Variants in ZNF560 observed in about 807,000 individuals in gnomAD.
The protein encoded by ZNF560 is zinc finger protein 560.
In ZNF560, 54 loss-of-function variants were observed where a neutral mutation model predicts 81.8. The observed-to-expected ratio is 0.66, with a 90% CI of 0.53 to 0.83. The LOEUF (loss-of-function observed/expected upper bound fraction) is 0.83. Ranked by LOEUF, ZNF560 falls within the 40% of genes least tolerant of loss-of-function variation. The probability of loss-of-function intolerance (pLI) is 0.00; values close to 1 mark genes in which losing one functional copy is unlikely to be tolerated. For missense variants in ZNF560, 940 were observed against 932.4 expected (o/e 1.01, Z -0.11); for synonymous variants, 321 against 317.9 (o/e 1.01, Z -0.10).
Position 9,475,325 on chromosome 19 carries a change from CCT to C in ZNF560, c.-14_-13del, listed in dbSNP as rs764093833. 3 of 1,613,426 alleles carry C rather than the reference CCT, an allele frequency of 1.9e-6. No homozygotes were observed. Among genetic ancestry groups the C allele is most frequent in the African/African-American group, 1.3e-5 (1 of 74,872 alleles). ...AGGCAGTAAGCCATCTTCCTTTCTG[CCT>C]CTGTCTTTTCTTCATGAAGGCAGAT... On this transcript the variant is annotated 5_prime_UTR_variant, in exon 3 of 10. Transcript: ENST00000301480.
At position 9,467,330 on chromosome 19, in the gene ZNF560, T is replaced by A; in HGVS notation, c.1617A>T (p.Thr539=). 1 of 1,614,192 alleles carries A rather than the reference T, an allele frequency of 6.2e-7. No individual in the cohort carries two copies. Among genetic ancestry groups the A allele is most frequent in the Admixed American group, 1.7e-5 (1 of 60,022 alleles). ...ACLRIHMRTH[T]EERLYQCKKC... ...TCTTACATTGATAGAGTCTCTCTTC[T>A]GTGTGAGTTCGCATGTGAATACGAA... Residue 539 remains threonine, a synonymous_variant, in exon 10 of 10, where the codon ACA becomes ACT. Transcript: ENST00000301480.
intron 2 of ZNF560, among the ~76,000 whole-genome samples, chr19:9,484,906 A>G (rs2073361410): frequency 6.6e-6 from 1 of 152,088 alleles, no homozygotes; most frequent in South Asian, 2.1e-4. Context: ...GAGAGAGGAA[A>G]CATTAGAACT....
chr19:9,460,953 T>A, the ZNF560 span, among the ~76,000 whole-genome samples: 1 of 152,180 alleles, frequency 6.6e-6, no homozygotes, highest in Non-Finnish European at 1.5e-5. Context: ...TCAGCTGGTC[T>A]GAATAAAACG....
At chr19:9,488,975 C>A (rs2073427645) in intron 2 of ZNF560, among the ~76,000 whole-genome samples, 1 of 152,182 alleles carries the variant, frequency 6.6e-6, no homozygotes, top group Non-Finnish European at 1.5e-5. Context: ...ATAAGATGTA[C>A]CTACTCCTGC....
intron 2 of ZNF560, among the ~76,000 whole-genome samples, chr19:9,485,331 C>G (rs183457352): frequency 4.3e-4 from 66 of 152,042 alleles, no homozygotes; most frequent in Non-Finnish European, 8.1e-4. Context: ...TCATAATGAT[C>G]AAGTAGGATT....
the ZNF560 span, among the ~76,000 whole-genome samples, chr19:9,446,365 TACAC>T: frequency 1.6e-3 from 237 of 145,246 alleles, 1 homozygote; most frequent in South Asian, 0.013. Flanking sequence ...TGCCAAGTCA[TACAC>T]ACACACACAC....
intron 7 of ZNF560, 94 bp from the exon 8 acceptor site, chr19:9,469,804 G>A: frequency 9.7e-7 from 1 of 1,031,258 alleles, no homozygotes; most frequent in South Asian, 1.3e-5. Context: ...AATTAAAGCA[G>A]TGAAAAGCAC....
At chr19:9,449,823 G>C in the ZNF560 span, among the ~76,000 whole-genome samples, 3 of 152,092 alleles carry the variant, frequency 2.0e-5, no homozygotes, top group Admixed American at 2.0e-4. Flanking sequence ...CCAAAAATTA[G>C]CCAGGTGTGC....
chr19:9,490,477 T>C (rs1221915105), intron 2 of ZNF560, among the ~76,000 whole-genome samples: 1 of 152,172 alleles, frequency 6.6e-6, no homozygotes, highest in Admixed American at 6.5e-5. Flanking sequence ...TCACATTTCG[T>C]CACTAGCATG....
At chr19:9,469,454 A>T (rs760604882) in intron 8 of ZNF560, among the ~76,000 whole-genome samples, 176 bp downstream of exon 8, 13 of 152,230 alleles carry the variant, frequency 8.5e-5, no homozygotes, top group South Asian at 2.1e-4. Flanking sequence ...TTTGTTAGGT[A>T]ATAGGGAAGT....
intron 5 of ZNF560, 71 bp downstream of exon 5, chr19:9,473,108 G>A (rs1163657618): frequency 8.0e-7 from 1 of 1,256,690 alleles, no homozygotes; most frequent in Non-Finnish European, 1.2e-6. Flanking sequence ...TGCAACACAA[G>A]AACAGACTAA....
the ZNF560 span, among the ~76,000 whole-genome samples, chr19:9,457,771 T>C: frequency 6.6e-6 from 1 of 152,182 alleles, no homozygotes; most frequent in East Asian, 1.9e-4. Flanking sequence ...TTTACTAGGG[T>C]ATATTAATTG....
chr19:9,473,063 C>G (rs959619532), intron 5 of ZNF560, 116 bp downstream of exon 5: 5 of 848,468 alleles, frequency 5.9e-6, no homozygotes, highest in Non-Finnish European at 9.9e-6. Flanking sequence ...AACCTATTTT[C>G]TTAATAAATC....
chr19:9,452,008 G>A, the ZNF560 span, among the ~76,000 whole-genome samples: 1,400 of 152,124 alleles, frequency 9.2e-3, 15 homozygotes, highest in African/African-American at 0.024. Flanking sequence ...TCCAAGAGGC[G>A]GAGGTTGCAG....
At chr19:9,445,946 C>T in the ZNF560 span, among the ~76,000 whole-genome samples, 1 of 152,080 alleles carries the variant, frequency 6.6e-6, no homozygotes. Flanking sequence ...TGTCTCATTG[C>T]CACCACAGGA....
At chr19:9,462,184 T>TGCA (rs2072942559), downstream of ZNF560, among the ~76,000 whole-genome samples, 1 of 152,218 alleles carries the variant, frequency 6.6e-6, no homozygotes, top group Admixed American at 6.5e-5. Flanking sequence ...ACAAGATCTC[T>TGCA]GCAGCACTGT....
the ZNF560 span, among the ~76,000 whole-genome samples, chr19:9,503,910 T>G: frequency 2.6e-5 from 4 of 152,200 alleles, no homozygotes; most frequent in Non-Finnish European, 5.9e-5. Flanking sequence ...TTTATGAATA[T>G]AATACAGAAT....
chr19:9,497,449 C>A (rs1395631632), intron 2 of ZNF560, among the ~76,000 whole-genome samples: 3 of 148,626 alleles, frequency 2.0e-5, no homozygotes, highest in Non-Finnish European at 4.5e-5. Flanking sequence ...GCAGGAGAAT[C>A]GCTTGAACCC....
At chr19:9,494,501 A>T (rs1271089642) in intron 2 of ZNF560, among the ~76,000 whole-genome samples, 1 of 152,148 alleles carries the variant, frequency 6.6e-6, no homozygotes, top group Non-Finnish European at 1.5e-5. Flanking sequence ...TTGGGAGGCC[A>T]ACGTGGGTGG....
Sources: allele counts gnomAD v4.1 joint callset (sites outside exome capture counted in the v4.1 genomes callset), GRCh38; gene constraint gnomAD v4.1.1; transcripts MANE v1.5; gene names NCBI Gene and HGNC (gene_info 2026-07-23, HGNC 2026-07-21).